Variants in FAM25C observed in about 807,000 individuals in gnomAD.
The protein encoded by FAM25C is family with sequence similarity 25 member C, also known as protein FAM25C.
In FAM25C, 4 loss-of-function variants were observed where a neutral mutation model predicts 9.6. That is an observed-to-expected ratio of 0.42 (90% CI 0.20 to 0.95). FAM25C has a LOEUF of 0.95. FAM25C is among the 40% of genes least tolerant of loss of function. The probability of loss-of-function intolerance (pLI) is 0.31; values close to 1 mark genes in which losing one functional copy is unlikely to be tolerated. For synonymous variants in FAM25C, 23 were observed against 44.1 expected (o/e 0.52, Z 1.89); for missense variants, 38 against 110.4 (o/e 0.34, Z 2.94).
chr10:47,998,715 GCCTCAGCTTTTCTCCCAAC>G (rs1370991095), intron 1 of FAM25C, among the ~76,000 whole-genome samples: 1 of 137,088 alleles, frequency 7.3e-6, no homozygotes, highest in Non-Finnish European at 1.6e-5. Flanking sequence ...AGCAAGCCCT[GCCTCAGCTTTTCTCCCAAC>G]ACTCAGCTTT....
intron 2 of FAM25C, among the ~76,000 whole-genome samples, chr10:47,997,429 G>A (rs1159912100): frequency 1.3e-5 from 2 of 151,880 alleles, no homozygotes; most frequent in African/African-American, 4.8e-5. Flanking sequence ...TTTTGTCCCA[G>A]TGTGCTGTCA....
In FAM25C at chr10:47,995,436, T is replaced by C; in HGVS notation, c.212A>G (p.Asn71Ser). 1 of 1,525,314 alleles carries C rather than the reference T, an allele frequency of 6.6e-7. No homozygotes were observed. 94.5% of individuals were successfully genotyped at this position (1,525,314 alleles called of 1,614,324 possible). ...ATGGGTGATGGCATTTGTGACTGTG[T>C]TGGTCACTGTCTCGGTGATTTCCTT... ...KMKEITETVT[N>S]TVTNAITHAA... Residue 71 changes from asparagine (N) to serine (S), a missense_variant, in exon 3 of 3, where the codon AAC becomes AGC. Physicochemically the swap from Asn to Ser is conservative, Grantham distance 46. This residue lies in a region of FAM25C where 30 missense variants were observed against 53.0 expected (regional missense o/e 0.57). Transcript: ENST00000617224.
At chr10:47,998,734 C>T (rs1159099812) in intron 1 of FAM25C, among the ~76,000 whole-genome samples, 11 of 64,904 alleles carry the variant, frequency 1.7e-4, no homozygotes, top group African/African-American at 4.6e-4. Context: ...TTTCTCCCAA[C>T]ACTCAGCTTT....
intron 2 of FAM25C, 23 bp from the exon 3 acceptor site, chr10:47,995,534 A>T (rs1349673815): frequency 6.5e-7 from 1 of 1,534,466 alleles, no homozygotes; most frequent in African/African-American, 1.4e-5. Flanking sequence ...AAGAGGAAGA[A>T]TGTCCTAGTG....
chr10:47,997,116 G>A (rs1198008166), intron 2 of FAM25C, among the ~76,000 whole-genome samples: 1 of 145,956 alleles, frequency 6.9e-6, no homozygotes, highest in Non-Finnish European at 1.5e-5. Context: ...ACCGCCCCCA[G>A]CAATTTTTTT....
At chr10:47,997,982 C>A (rs1555256665) in intron 1 of FAM25C, among the ~76,000 whole-genome samples, 1 of 150,036 alleles carries the variant, frequency 6.7e-6, no homozygotes, top group East Asian at 2.0e-4. Context: ...GACAGACTGG[C>A]TCATGAGAAG....
chr10:47,997,326 G>A (rs1456857844), intron 2 of FAM25C, among the ~76,000 whole-genome samples: 9 of 150,606 alleles, frequency 6.0e-5, no homozygotes, highest in African/African-American at 2.0e-4. Context: ...AGCCAGGATG[G>A]TCTCGATCTC....
chr10:47,997,326 G>T (rs1456857844), intron 2 of FAM25C, among the ~76,000 whole-genome samples: 1 of 150,606 alleles, frequency 6.6e-6, no homozygotes, highest in Non-Finnish European at 1.5e-5. Context: ...AGCCAGGATG[G>T]TCTCGATCTC....
intron 2 of FAM25C, among the ~76,000 whole-genome samples, chr10:47,996,900 C>T (rs550307974): frequency 0.033 from 3,684 of 111,074 alleles, 164 homozygotes; most frequent in African/African-American, 0.12. Flanking sequence ...GGCGCGATCT[C>T]GGCTCACTGC....
At chr10:47,998,665 G>T (rs1842840925) in intron 1 of FAM25C, among the ~76,000 whole-genome samples, 2 of 132,640 alleles carry the variant, frequency 1.5e-5, no homozygotes, top group Admixed American at 7.6e-5. Flanking sequence ...ATGGCTACTT[G>T]AGAGAATGGC....
chr10:47,995,735 G>A (rs1191218597), intron 2 of FAM25C, among the ~76,000 whole-genome samples: 2 of 149,054 alleles, frequency 1.3e-5, no homozygotes, highest in African/African-American at 4.9e-5. Context: ...CTACTCATGG[G>A]TACATTGCCT....
At position 47,996,116 on chromosome 10, in the gene FAM25C, G is replaced by C. The variant is rs1369787671; in HGVS notation, c.137-605C>G. 2.1e-5 allele frequency among the ~76,000 whole-genome samples: 3 copies of C among 140,480 alleles called. No homozygotes were observed. In the East Asian group the frequency reaches 6.1e-4, roughly 28 times the overall value. 92.2% of individuals were successfully genotyped at this position (140,480 alleles called of 152,430 possible). A position where few individuals can be genotyped will look rare whatever the true frequency, so the allele number is the denominator to read the frequency against. On this transcript the variant is annotated intron_variant, in intron 2 of 2. Transcript: ENST00000617224. ...TGATATTAAGGGGTGGGGCCTTTGG[G>C]AGGTTGAAATTAGCACCCACATAAA...
At position 47,997,441 on chromosome 10, in the gene FAM25C, A is replaced by G. The variant is rs547863310; in HGVS notation, c.136+236T>C. Reference sequence around the variant, plus strand: ...ATGTTTTGTCCCAGTGTGCTGTCACATAGTCTTGTGTGACTTTGTCTTCTT... The same window carrying G: ...ATGTTTTGTCCCAGTGTGCTGTCACGTAGTCTTGTGTGACTTTGTCTTCTT... On this transcript the variant is annotated intron_variant, in intron 2 of 2. Coordinates refer to ENST00000617224, the MANE Select transcript of FAM25C (RefSeq NM_001137548.3). Among the ~76,000 whole-genome samples the G allele has an allele frequency of 3.3e-3, 494 of 151,928 alleles. 1 individual carries two copies. Among genetic ancestry groups the G allele is most frequent in the African/African-American group, 0.011 (466 of 41,486 alleles).
At chr10:47,997,982 C>G (rs1555256665) in intron 1 of FAM25C, among the ~76,000 whole-genome samples, 2 of 150,036 alleles carry the variant, frequency 1.3e-5, no homozygotes, top group African/African-American at 4.9e-5. Context: ...GACAGACTGG[C>G]TCATGAGAAG....
intron 1 of FAM25C, among the ~76,000 whole-genome samples, chr10:47,998,044 G>A (rs1365211497): frequency 3.3e-5 from 5 of 151,170 alleles, no homozygotes; most frequent in Admixed American, 2.0e-4. Context: ...CTTGGCTACC[G>A]GGAGACGAGC....
intron 1 of FAM25C, among the ~76,000 whole-genome samples, chr10:47,998,556 T>C (rs1842839305): frequency 8.4e-6 from 1 of 119,756 alleles, no homozygotes; most frequent in Non-Finnish European, 1.8e-5. Context: ...GGCCCCGAGT[T>C]CTGGGAGCCC....
At chr10:47,996,985 C>T (rs1555256570) in intron 2 of FAM25C, among the ~76,000 whole-genome samples, 2 of 142,416 alleles carry the variant, frequency 1.4e-5, no homozygotes. Context: ...GTGCCCGCCA[C>T]CGTGCCCAGC....
At chr10:47,995,651 G>C (rs1354200267) in intron 2 of FAM25C, 140 bp from the exon 3 acceptor site, 8 of 778,656 alleles carry the variant, frequency 1.0e-5, no homozygotes, top group Non-Finnish European at 1.6e-5. Context: ...CAGGATTACT[G>C]CAGAATGAAT....
chr10:47,997,833 C>G (rs1842825490), intron 1 of FAM25C, 94 bp from the exon 2 acceptor site: 3 of 1,232,810 alleles, frequency 2.4e-6, no homozygotes, highest in Non-Finnish European at 3.4e-6. Flanking sequence ...CGCTGCCCTC[C>G]CAGTCCAGGG....
Sources: allele counts gnomAD v4.1 joint callset (sites outside exome capture counted in the v4.1 genomes callset), GRCh38; gene constraint gnomAD v4.1.1; regional missense constraint gnomAD v4.1.1; transcripts MANE v1.5; gene names NCBI Gene and HGNC (gene_info 2026-07-23, HGNC 2026-07-21).